Variants in YIPF7 observed in about 807,000 individuals in gnomAD.
YIPF7 encodes protein YIPF7.
Under a neutral mutation model 27.2 loss-of-function variants are expected in YIPF7, and 35 were observed. The observed-to-expected ratio is 1.29, with a 90% confidence interval of 0.98 to 1.70. The LOEUF is 1.70. Among genes scored for constraint, YIPF7 ranks in the 40% most tolerant of loss-of-function variants. The pLI is 0.00. For synonymous variants in YIPF7, 137 were observed against 110.4 expected (o/e 1.24, Z -1.51); for missense variants, 358 against 303.7 (o/e 1.18, Z -1.33).
intron 3 of YIPF7, among the ~76,000 whole-genome samples, chr4:44,631,237 C>T (rs1401101438): frequency 6.6e-6 from 1 of 152,124 alleles, no homozygotes; most frequent in African/African-American, 2.4e-5. Flanking sequence ...TTCATCTACT[C>T]TCATAATGGT....
chr4:44,624,552 T>G lies in YIPF7; in HGVS notation c.608+49A>C, dbSNP rs748937746. On this transcript the variant is annotated intron_variant, in intron 5 of 5. Transcript: ENST00000415895. Reference sequence around the variant, plus strand: ...AACTTTTTCATGGCTGTGGCAAACCTTGGCTATGATTGTGCATGTGGGGTC... The same window carrying G: ...AACTTTTTCATGGCTGTGGCAAACCGTGGCTATGATTGTGCATGTGGGGTC... 3.4e-6 allele frequency: 5 copies of G among 1,480,914 alleles called. No individual in the cohort carries two copies. In the South Asian group the frequency reaches 6.9e-5, roughly 21 times the overall value. The allele number at this position is 1,480,914 out of a possible 1,614,324, so 91.7% of individuals were successfully genotyped here.
intron 2 of YIPF7, among the ~76,000 whole-genome samples, chr4:44,649,315 A>T (rs576510482): frequency 1.3e-5 from 2 of 152,146 alleles, no homozygotes; most frequent in Admixed American, 1.3e-4. Context: ...GCTCAGGCTG[A>T]GGTGATAAAG....
chr4:44,642,912 T>G (rs575511770), intron 2 of YIPF7, among the ~76,000 whole-genome samples: 1 of 152,258 alleles, frequency 6.6e-6, no homozygotes, highest in Middle Eastern at 3.4e-3. Flanking sequence ...AATTATCCAG[T>G]CTCAGGTATT....
intron 4 of YIPF7, among the ~76,000 whole-genome samples, chr4:44,627,634 A>C (rs1272983410): frequency 6.6e-6 from 1 of 152,200 alleles, no homozygotes; most frequent in Non-Finnish European, 1.5e-5. Context: ...GGAAGTTATC[A>C]CATCTAATGG....
At chr4:44,639,661 C>A (rs1436765857) in intron 2 of YIPF7, among the ~76,000 whole-genome samples, 1 of 151,904 alleles carries the variant, frequency 6.6e-6, no homozygotes, top group Non-Finnish European at 1.5e-5. Flanking sequence ...ATCCAATTAC[C>A]AATTTGGATG....
At chr4:44,638,359 T>C (rs771777325) in intron 2 of YIPF7, among the ~76,000 whole-genome samples, 1 of 151,928 alleles carries the variant, frequency 6.6e-6, no homozygotes, top group African/African-American at 2.4e-5. Context: ...GTACCAGCCA[T>C]GACAGGTGAG....
At chr4:44,632,315 T>C (rs1014075238) in intron 3 of YIPF7, among the ~76,000 whole-genome samples, 1 of 152,242 alleles carries the variant, frequency 6.6e-6, no homozygotes, top group East Asian at 1.9e-4. Context: ...TAGTAAAGTA[T>C]ATGATACATA....
At chr4:44,652,824 G>A (rs1422886028), upstream of YIPF7, among the ~76,000 whole-genome samples, 1 of 152,188 alleles carries the variant, frequency 6.6e-6, no homozygotes, top group African/African-American at 2.4e-5. Flanking sequence ...ACAACCTGAT[G>A]AAGTATTATT....
At chr4:44,651,656 T>C (rs1713744031), upstream of YIPF7, 2 of 1,502,698 alleles carry the variant, frequency 1.3e-6, no homozygotes, top group Non-Finnish European at 1.8e-6. Flanking sequence ...GCTATATATA[T>C]ACCTTTCTAA....
chr4:44,642,258 T>C (rs560809579), intron 2 of YIPF7, among the ~76,000 whole-genome samples: 2 of 152,288 alleles, frequency 1.3e-5, no homozygotes, highest in Non-Finnish European at 2.9e-5. Context: ...TCTCAGGAGC[T>C]TGGATTCCAT....
intron 2 of YIPF7, among the ~76,000 whole-genome samples, chr4:44,658,629 T>A (rs892061390): frequency 1.3e-5 from 2 of 152,122 alleles, no homozygotes; most frequent in South Asian, 4.1e-4. Flanking sequence ...GACGATCCAA[T>A]GGAGTAGAGA....
chr4:44,640,073 G>T (rs1467082762), intron 2 of YIPF7, among the ~76,000 whole-genome samples: 1 of 151,994 alleles, frequency 6.6e-6, no homozygotes, highest in Non-Finnish European at 1.5e-5. Context: ...TTTTTGATGT[G>T]CTGTTGCATT....
At chr4:44,626,815 G>T (rs1205842212) in intron 4 of YIPF7, among the ~76,000 whole-genome samples, 1 of 104,278 alleles carries the variant, frequency 9.6e-6, no homozygotes, top group African/African-American at 3.7e-5. Context: ...TCGCTCTTTC[G>T]CCCAGGCCGG....
At chr4:44,647,454 G>A (rs1031527786) in intron 2 of YIPF7, among the ~76,000 whole-genome samples, 2 of 152,150 alleles carry the variant, frequency 1.3e-5, no homozygotes, top group Admixed American at 6.6e-5. Flanking sequence ...AAGGCAACTA[G>A]TTCCTTTCTA....
At position 44,627,398 on chromosome 4, in the gene YIPF7, T is replaced by C. The variant is rs1353090231; in HGVS notation, c.426+2005A>G. ...GAAGAGTATGTGACTATGACTCTTATGTCTCCAGAGATAATAAGCAGATTT... is the reference window on the plus strand; with the variant it reads ...GAAGAGTATGTGACTATGACTCTTACGTCTCCAGAGATAATAAGCAGATTT... On this transcript the variant is annotated intron_variant, in intron 4 of 5. Transcript: ENST00000415895. 2.6e-5 allele frequency among the ~76,000 whole-genome samples: 4 copies of C among 152,220 alleles called. No individual in the cohort carries two copies. In the South Asian group the frequency reaches 6.2e-4, roughly 24 times the overall value.
intron 1 of YIPF7, among the ~76,000 whole-genome samples, chr4:44,650,691 G>A (rs1355109497): frequency 6.6e-6 from 1 of 152,164 alleles, no homozygotes; most frequent in Non-Finnish European, 1.5e-5. Context: ...TACTGCACCT[G>A]GGCTTCTGGC....
chr4:44,623,451 C>G (rs968406354), intron 5 of YIPF7, among the ~76,000 whole-genome samples: 1 of 152,126 alleles, frequency 6.6e-6, no homozygotes, highest in South Asian at 2.1e-4. Context: ...ACTCTTTTCA[C>G]CACCAAACTA....
chr4:44,639,019 C>A (rs985166292), intron 2 of YIPF7, among the ~76,000 whole-genome samples: 1 of 152,078 alleles, frequency 6.6e-6, no homozygotes, highest in South Asian at 2.1e-4. Context: ...ACCTTATTTA[C>A]ATGTTTTCTA....
chr4:44,656,946 G>A (rs1385758463), intron 2 of YIPF7, among the ~76,000 whole-genome samples: 1 of 152,126 alleles, frequency 6.6e-6, no homozygotes, highest in Non-Finnish European at 1.5e-5. Flanking sequence ...AAGGACGTAT[G>A]TTTATGTTGA....
Sources: allele counts gnomAD v4.1 joint callset (sites outside exome capture counted in the v4.1 genomes callset), GRCh38; gene constraint gnomAD v4.1.1; transcripts MANE v1.5; gene names NCBI Gene and HGNC (gene_info 2026-07-23, HGNC 2026-07-21).